ANO6: variants seen among roughly 807,000 people sequenced by gnomAD.
ANO6 encodes anoctamin 6, also known as anoctamin-6.
ANO6 carries 106 observed loss-of-function variants against 117.5 expected under a neutral mutation model. That is an observed-to-expected ratio of 0.90 (90% CI 0.77 to 1.06). The LOEUF (loss-of-function observed/expected upper bound fraction) is 1.06, where lower values mean the gene tolerates loss of function less well. Among genes scored for constraint, ANO6 ranks in the 50% least tolerant of loss-of-function variants. ANO6 has a pLI of 0.00. For missense variants in ANO6, 955 were observed against 1,121.1 expected (o/e 0.85, Z 2.12); for synonymous variants, 367 against 385.1 (o/e 0.95, Z 0.55).
intron 2 of ANO6, among the ~76,000 whole-genome samples, chr12:45,317,113 G>GTGTGTATA: frequency 1.5e-5 from 1 of 66,488 alleles, no homozygotes; most frequent in Admixed American, 1.5e-4. Context: ...CTTTTTATAT[G>GTGTGTATA]TATATATATA....
chr12:45,272,389 C>G (rs1024310903), intron 1 of ANO6, among the ~76,000 whole-genome samples: 3 of 152,112 alleles, frequency 2.0e-5, no homozygotes, highest in Non-Finnish European at 4.4e-5. Context: ...GTCCTGTCAT[C>G]AAACTTTTAT....
intron 7 of ANO6, 129 bp downstream of exon 7, chr12:45,350,903 G>T: frequency 1.3e-6 from 1 of 762,570 alleles, no homozygotes; most frequent in Non-Finnish European, 2.2e-6. Flanking sequence ...GAGCTTCGTT[G>T]GCCAGGGTTT....
chr12:45,307,429 A>C (rs192598124), intron 2 of ANO6, among the ~76,000 whole-genome samples: 2 of 152,320 alleles, frequency 1.3e-5, no homozygotes, highest in East Asian at 3.9e-4. Flanking sequence ...AGAGCAGTCA[A>C]GGAATGACTC....
At chr12:45,264,002 A>G (rs1016700750) in intron 1 of ANO6, among the ~76,000 whole-genome samples, 1 of 152,228 alleles carries the variant, frequency 6.6e-6, no homozygotes, top group African/African-American at 2.4e-5. Flanking sequence ...TGGATATCAT[A>G]TCATCTTCCC....
intron 1 of ANO6, among the ~76,000 whole-genome samples, chr12:45,235,469 A>T (rs1328086135): frequency 6.6e-6 from 1 of 152,126 alleles, no homozygotes; most frequent in African/African-American, 2.4e-5. Context: ...AATGTGGGAA[A>T]ACCACCTCCT....
chr12:45,412,388 C>T (rs1025436121), intron 16 of ANO6, among the ~76,000 whole-genome samples: 2 of 152,206 alleles, frequency 1.3e-5, no homozygotes, highest in Non-Finnish European at 2.9e-5. Context: ...ATCTCACTTT[C>T]ATCTGTCTCC....
intron 1 of ANO6, among the ~76,000 whole-genome samples, chr12:45,284,550 G>C (rs557347550): frequency 6.6e-6 from 1 of 152,296 alleles, no homozygotes; most frequent in African/African-American, 2.4e-5. Context: ...GTTTGCTGAT[G>C]CCCACCAGGG....
chr12:45,409,294 A>C, intron 15 of ANO6, 63 bp from the exon 16 acceptor site: 2 of 1,599,114 alleles, frequency 1.3e-6, no homozygotes, highest in Non-Finnish European at 1.7e-6. Context: ...ATAGCAGCAA[A>C]ATATTTTTAT....
At chr12:45,230,738 A>ATTTTAAAGTGTTTTAAAGTG (rs1947561926) in intron 1 of ANO6, among the ~76,000 whole-genome samples, 1 of 152,188 alleles carries the variant, frequency 6.6e-6, no homozygotes, top group African/African-American at 2.4e-5. Flanking sequence ...CAAATTTAAG[A>ATTTTAAAGTGTTTTAAAGTG]TTTTAAAGTG....
chr12:45,269,563 G>A (rs1938326989), intron 1 of ANO6, among the ~76,000 whole-genome samples: 2 of 152,180 alleles, frequency 1.3e-5, no homozygotes, highest in African/African-American at 4.8e-5. Flanking sequence ...TGTTTGTTTA[G>A]TTCACCATTG....
intron 1 of ANO6, among the ~76,000 whole-genome samples, chr12:45,225,202 A>C (rs1022529286): frequency 1.7e-4 from 26 of 150,796 alleles, no homozygotes; most frequent in African/African-American, 2.7e-4. Context: ...AAAAAAAAAA[A>C]CTCACGATTT....
At chr12:45,366,844 A>C (rs1941697686) in intron 8 of ANO6, among the ~76,000 whole-genome samples, 1 of 152,146 alleles carries the variant, frequency 6.6e-6, no homozygotes, top group Admixed American at 6.5e-5. Flanking sequence ...TATTTTTTAC[A>C]CTATTGAAAT....
intron 1 of ANO6, among the ~76,000 whole-genome samples, chr12:45,218,312 T>G (rs543121926): frequency 6.6e-6 from 1 of 152,172 alleles, no homozygotes; most frequent in Admixed American, 6.5e-5. Context: ...AATATTTTTT[T>G]CTTCTCAGTG....
chr12:45,348,713 T>G (rs1322004107), intron 6 of ANO6, 82 bp downstream of exon 6: 1 of 1,021,396 alleles, frequency 9.8e-7, no homozygotes, highest in Non-Finnish European at 1.6e-6. Context: ...CTTTCCTGAC[T>G]GTAAGTTTCT....
At chr12:45,224,838 A>T (rs148571724) in intron 1 of ANO6, among the ~76,000 whole-genome samples, 18 of 152,282 alleles carry the variant, frequency 1.2e-4, no homozygotes, top group African/African-American at 4.3e-4. Context: ...AATTTCCATC[A>T]GTTATATGGG....
At chr12:45,224,006 C>T (rs1048476479) in intron 1 of ANO6, among the ~76,000 whole-genome samples, 2 of 152,160 alleles carry the variant, frequency 1.3e-5, no homozygotes, top group African/African-American at 4.8e-5. Context: ...GTTATCTGTT[C>T]TAAAAATGCT....
intron 12 of ANO6, among the ~76,000 whole-genome samples, chr12:45,398,923 G>A (rs902338162): frequency 6.6e-6 from 1 of 152,126 alleles, no homozygotes; most frequent in Admixed American, 6.5e-5. Context: ...GTCTTCAGTC[G>A]GTTTAAACAA....
At chr12:45,378,221 A>G (rs144076281) in intron 10 of ANO6, 108 bp downstream of exon 10, 12 of 1,048,426 alleles carry the variant, frequency 1.1e-5, no homozygotes, top group Non-Finnish European at 1.4e-5. Context: ...CCAGGCTTCA[A>G]CTCCCCTAGA....
At chr12:45,264,142 A>G (rs1475257862) in intron 1 of ANO6, among the ~76,000 whole-genome samples, 1 of 152,116 alleles carries the variant, frequency 6.6e-6, no homozygotes, top group African/African-American at 2.4e-5. Flanking sequence ...GCTGCTGGTC[A>G]CCCCATTACC....
Sources: gnomAD v4.1 joint callset for allele counts (sites outside exome capture counted in the v4.1 genomes callset) on GRCh38, gnomAD v4.1.1 for gene constraint, MANE v1.5 for transcripts, NCBI Gene and HGNC (gene_info 2026-07-23, HGNC 2026-07-21) for gene names.